Variants in TULP3 observed in about 807,000 individuals in gnomAD.
TULP3 encodes TUB like protein 3.
A neutral mutation model predicts 50.7 loss-of-function variants in TULP3; 38 were observed. That is an observed-to-expected ratio of 0.75 (90% CI 0.58 to 0.98). TULP3 has a LOEUF of 0.98. Among genes scored for constraint, TULP3 ranks in the 50% least tolerant of loss-of-function variants. The pLI is 0.00. For missense variants in TULP3, 550 were observed against 568.0 expected (o/e 0.97, Z 0.32); for synonymous variants, 183 against 196.6 (o/e 0.93, Z 0.58).
Position 2,940,624 on chromosome 12 carries a change from T to C in TULP3, c.*1180T>C. 1 of 1,551,756 alleles carries C rather than the reference T, an allele frequency of 6.4e-7. No homozygotes were observed. Among genetic ancestry groups the C allele is most frequent in the African/African-American group, 1.4e-5 (1 of 73,184 alleles). The stretch of plus-strand genomic sequence containing the variant: ...TTGTGCACAGAACTGTTTGCCAGCG[T>C]TGGGTGGGACACCCGTGGCGGCTGC... On this transcript the variant is annotated 3_prime_UTR_variant, in exon 11 of 11. Transcript: ENST00000448120.
At chr12:2,937,427 G>A (rs972625182) in intron 8 of TULP3, among the ~76,000 whole-genome samples, 5 of 151,582 alleles carry the variant, frequency 3.3e-5, no homozygotes, top group African/African-American at 9.7e-5. Flanking sequence ...ATGTTGGCCA[G>A]GCTGGTCTCA....
chr12:2,926,946 TC>T (rs1311105967), intron 4 of TULP3, among the ~76,000 whole-genome samples: 5 of 152,104 alleles, frequency 3.3e-5, no homozygotes, highest in African/African-American at 7.2e-5. Context: ...AGTACAGAGT[TC>T]TACAACCATT....
At chr12:2,911,664 C>CTTTTTTTTTTTTTTTTTTTTTTTTT (rs56027951) in intron 2 of TULP3, among the ~76,000 whole-genome samples, 1 of 38,172 alleles carries the variant, frequency 2.6e-5, no homozygotes, top group Non-Finnish European at 5.1e-5. Context: ...TGCGCCCAGC[C>CTTTTTTTTTTTTTTTTTTTTTTTTT]TTTTTTTTTT....
chr12:2,927,838 A>G (rs953568508), intron 4 of TULP3, among the ~76,000 whole-genome samples: 1 of 152,212 alleles, frequency 6.6e-6, no homozygotes, highest in African/African-American at 2.4e-5. Flanking sequence ...CTATGATTCA[A>G]GGACCATTTC....
At chr12:2,927,474 C>A (rs1176284934) in intron 4 of TULP3, among the ~76,000 whole-genome samples, 1 of 146,260 alleles carries the variant, frequency 6.8e-6, no homozygotes, top group Non-Finnish European at 1.5e-5. Flanking sequence ...TCAAGGGATT[C>A]TCTTGCCTCA....
At chr12:2,907,195 G>T (rs559991639) in intron 1 of TULP3, among the ~76,000 whole-genome samples, 8 of 151,822 alleles carry the variant, frequency 5.3e-5, no homozygotes, top group Admixed American at 2.0e-4. Flanking sequence ...AAAATTGGCC[G>T]GGTACGATGC....
intron 2 of TULP3, among the ~76,000 whole-genome samples, chr12:2,919,095 T>C (rs1591531324): frequency 6.6e-6 from 1 of 152,092 alleles, no homozygotes; most frequent in Non-Finnish European, 1.5e-5. Context: ...TTTCACCATG[T>C]TGGCCAGGGT....
chr12:2,929,849 A>T (rs1231836159), intron 4 of TULP3, among the ~76,000 whole-genome samples: 1 of 152,046 alleles, frequency 6.6e-6, no homozygotes, highest in Non-Finnish European at 1.5e-5. Flanking sequence ...TCAGCCTCCC[A>T]AAGTGCTGGG....
chr12:2,931,699 C>G (rs924545173), intron 6 of TULP3, among the ~76,000 whole-genome samples: 1 of 152,086 alleles, frequency 6.6e-6, no homozygotes, highest in Non-Finnish European at 1.5e-5. Context: ...TAAGTTTGAG[C>G]CAGCGATGAA....
Position 2,933,558 on chromosome 12 carries a change from A to T in TULP3, c.809+28A>T, listed in dbSNP as rs1555115021. The stretch of plus-strand genomic sequence containing the variant: ...GAAAGCAACCTTAGATCACTGTCCT[A>T]TTCTTTCTGATAGTCTTATTCCTAT... On this transcript the variant is annotated intron_variant, in intron 7 of 10. Coordinates refer to ENST00000448120, the MANE Select transcript of TULP3 (RefSeq NM_003324.5). 6.5e-6 allele frequency: 9 copies of T among 1,379,668 alleles called. No homozygotes were observed. In the East Asian group the frequency reaches 1.6e-4, roughly 25 times the overall value. 85.5% of individuals were successfully genotyped at this position (1,379,668 alleles called of 1,614,324 possible). A position where few individuals can be genotyped will look rare whatever the true frequency, so the allele number is the denominator to read the frequency against.
Position 2,933,471 on chromosome 12 carries a change from T to A in TULP3, c.750T>A (p.Leu250=). The A allele has an allele frequency of 1.2e-6, 2 of 1,614,064 alleles. No homozygotes were observed. The highest frequency in any genetic ancestry group is 1.7e-6 in the Non-Finnish European group (2 of 1,179,994). ...KRKKSKTANY[L]ISIDPVDLSR... is the part of the protein sequence containing the mutation. Reference sequence around the variant, plus strand: ...AAAAGAGCAAAACAGCCAACTACCTTATCTCCATTGATCCAGTTGATTTAT... The same window carrying A: ...AAAAGAGCAAAACAGCCAACTACCTAATCTCCATTGATCCAGTTGATTTAT... Residue 250 remains leucine (L), a synonymous_variant, in exon 7 of 11, where the codon CTT becomes CTA. Coordinates refer to ENST00000448120, the MANE Select transcript of TULP3 (RefSeq NM_003324.5).
At chr12:2,891,265 CTCCCTCGGCCCCTCTGGGCCTCGGGTT>C (rs1260267812) in intron 1 of TULP3, among the ~76,000 whole-genome samples, 2 of 152,302 alleles carry the variant, frequency 1.3e-5, no homozygotes, top group South Asian at 4.1e-4. Context: ...TCGTGACGGG[CTCCCTCGGCCCCTCTGGGCCTCGGGTT>C]TCCCTCGGGG....
chr12:2,891,069 C>T, intron 1 of TULP3, 81 bp downstream of exon 1: 1 of 1,412,488 alleles, frequency 7.1e-7, no homozygotes, highest in Non-Finnish European at 9.3e-7. Flanking sequence ...TCCGGGAGCC[C>T]TGCGGGGAGA....
At chr12:2,930,163 A>T in intron 4 of TULP3, 85 bp from the exon 5 acceptor site, 1 of 967,088 alleles carries the variant, frequency 1.0e-6, no homozygotes, top group African/African-American at 1.7e-5. Context: ...AGAATGTTTT[A>T]AGCAAGAAAA....
chr12:2,907,375 T>G (rs2098182907), intron 1 of TULP3, among the ~76,000 whole-genome samples: 1 of 150,252 alleles, frequency 6.7e-6, no homozygotes, highest in Non-Finnish European at 1.5e-5. Flanking sequence ...CTTGGAAAAT[T>G]GAGGCAGGAG....
chr12:2,930,155 A>T, intron 4 of TULP3, 93 bp from the exon 5 acceptor site: 1 of 879,830 alleles, frequency 1.1e-6, no homozygotes, highest in Non-Finnish European at 1.8e-6. Flanking sequence ...AATAGTTAAG[A>T]ATGTTTTAAG....
At chr12:2,920,696 G>A (rs2153949552) in intron 2 of TULP3, 67 bp from the exon 3 acceptor site, 2 of 1,563,518 alleles carry the variant, frequency 1.3e-6, no homozygotes, top group Non-Finnish European at 1.7e-6. Flanking sequence ...AACAAACTGG[G>A]CATGTTGGAA....
Position 2,939,192 on chromosome 12 carries a change from C to G in TULP3, c.1196-119C>G. ...GCTGCAGTGAGCTGTGGTCATTCCA[C>G]TAGGCTCCAGCCAGGGCGACAGAGC... On this transcript the variant is annotated intron_variant, in intron 10 of 10. Coordinates refer to ENST00000448120, the MANE Select transcript of TULP3 (RefSeq NM_003324.5). The surrounding 1 kb of genome is among the most constrained non-coding windows in gnomAD (Gnocchi z 4.0). 8.7e-7 allele frequency: 1 copy of G among 1,153,400 alleles called. No individual in the cohort carries two copies. The highest frequency in any genetic ancestry group is 2.4e-5 in the East Asian group (1 of 41,790). 71.4% of individuals were successfully genotyped at this position (1,153,400 alleles called of 1,614,324 possible).
Position 2,920,905 on chromosome 12 carries a change from G to A in TULP3, c.236G>A (p.Ser79Asn). Residue 79 changes from serine (S) to asparagine (N), a missense_variant, in exon 3 of 11, where the codon AGC (serine) becomes AAC (asparagine). Physicochemically the swap from Ser to Asn is conservative, Grantham distance 46. Coordinates refer to ENST00000448120, the MANE Select transcript of TULP3 (RefSeq NM_003324.5). Reference protein sequence around the residue: ...TPLVNCHTPHSNVILHGIDGP... With the variant: ...TPLVNCHTPHNNVILHGIDGP... ...TTGGTGAACTGTCATACTCCCCACA[G>A]CAATGTCATCTTACATGGTGTGTAT... is the stretch of plus-strand genomic sequence containing the variant. The A allele has an allele frequency of 1.2e-6, 2 of 1,614,150 alleles. No homozygotes were observed. The highest frequency in any genetic ancestry group is 1.7e-6 in the Non-Finnish European group (2 of 1,180,012).
Sources: gnomAD v4.1 joint callset for allele counts (sites outside exome capture counted in the v4.1 genomes callset) on GRCh38, gnomAD v4.1.1 for gene constraint, Gnocchi (gnomAD v3.1) non-coding constraint, MANE v1.5 for transcripts, NCBI Gene and HGNC (gene_info 2026-07-23, HGNC 2026-07-21) for gene names.